The following BEND7 variants were observed in gnomAD, a reference collection of about 807,000 sequenced individuals.
BEND7 encodes BEN domain containing 7.
A neutral mutation model predicts 50.9 loss-of-function variants in BEND7; 28 were observed. The ratio of observed to expected loss-of-function variants is 0.55; its 90% CI spans 0.41 to 0.75. The LOEUF is 0.75. Among genes scored for constraint, BEND7 ranks in the 30% least tolerant of loss-of-function variants. BEND7 has a pLI of 0.00. For synonymous variants in BEND7, 170 were observed against 183.9 expected (o/e 0.92, Z 0.61); for missense variants, 477 against 491.3 (o/e 0.97, Z 0.28).
intron 2 of BEND7, among the ~76,000 whole-genome samples, chr10:13,501,416 T>C (rs1040549603): frequency 2.0e-5 from 3 of 150,274 alleles, no homozygotes; most frequent in Non-Finnish European, 4.4e-5. Flanking sequence ...ATATTTTCTA[T>C]CAATAATAAT....
intron 2 of BEND7, among the ~76,000 whole-genome samples, chr10:13,522,632 T>C (rs982970038): frequency 6.6e-6 from 1 of 152,200 alleles, no homozygotes; most frequent in Non-Finnish European, 1.5e-5. Context: ...GGAGGAGAAA[T>C]ACAGGAGCGA....
intron 6 of BEND7, among the ~76,000 whole-genome samples, chr10:13,470,100 G>C (rs1219839377): frequency 1.3e-5 from 2 of 152,146 alleles, no homozygotes; most frequent in Non-Finnish European, 1.5e-5. Context: ...GGAGGATGTG[G>C]CATTACCTTA....
intron 2 of BEND7, chr10:13,500,749 T>A (rs1471903880): frequency 1.0e-6 from 1 of 985,306 alleles, no homozygotes; most frequent in East Asian, 1.1e-4. Flanking sequence ...GGGGGTTTTG[T>A]CTTTCTGGCA....
intron 2 of BEND7, among the ~76,000 whole-genome samples, chr10:13,513,455 A>G (rs1281399321): frequency 2.0e-5 from 3 of 152,192 alleles, no homozygotes; most frequent in African/African-American, 7.2e-5. Flanking sequence ...TAAAAATGTT[A>G]TTTTATCACG....
intron 2 of BEND7, among the ~76,000 whole-genome samples, chr10:13,511,885 CCT>C (rs1412148049): frequency 1.3e-5 from 2 of 152,172 alleles, no homozygotes; most frequent in African/African-American, 2.4e-5. Context: ...GTGCTACACT[CCT>C]CTACTAAGCT....
chr10:13,463,698 ACAAAAAGG>A (rs902092859), intron 6 of BEND7, among the ~76,000 whole-genome samples: 6 of 152,232 alleles, frequency 3.9e-5, no homozygotes, highest in Admixed American at 3.3e-4. Context: ...TAAAATGGGC[ACAAAAAGG>A]CAAAAAGCAT....
intron 6 of BEND7, among the ~76,000 whole-genome samples, chr10:13,477,729 C>T (rs2075561809): frequency 1.3e-5 from 2 of 152,202 alleles, no homozygotes; most frequent in Admixed American, 6.5e-5. Flanking sequence ...GTTTTAATGT[C>T]AGTCATTCCA....
chr10:13,440,387 G>A (rs960879202), downstream of BEND7, among the ~76,000 whole-genome samples: 5 of 152,232 alleles, frequency 3.3e-5, no homozygotes, highest in African/African-American at 1.2e-4. Context: ...CTCACGGGCT[G>A]GAGCCCACAT....
At chr10:13,514,908 G>A (rs1328376649) in intron 2 of BEND7, among the ~76,000 whole-genome samples, 1 of 152,136 alleles carries the variant, frequency 6.6e-6, no homozygotes, top group South Asian at 2.1e-4. Context: ...TTCCTATGTA[G>A]GTGTAAAGTC....
chr10:13,476,456 C>A (rs1564312968), intron 6 of BEND7, among the ~76,000 whole-genome samples: 1 of 152,192 alleles, frequency 6.6e-6, no homozygotes, highest in Non-Finnish European at 1.5e-5. Context: ...GTAATTTCCA[C>A]TGAATGCAAG....
At chr10:13,480,592 G>A in intron 6 of BEND7, 1 of 691,072 alleles carries the variant, frequency 1.4e-6, no homozygotes, top group Non-Finnish European at 1.7e-6. Flanking sequence ...TTCTGAGGAA[G>A]CTCTTAGAAA....
chr10:13,487,388 C>CTTTT (rs930230162), intron 5 of BEND7, among the ~76,000 whole-genome samples: 1 of 122,840 alleles, frequency 8.1e-6, no homozygotes, highest in Non-Finnish European at 1.6e-5. Flanking sequence ...CTTTTCTTTT[C>CTTTT]TTTTTTTTTT....
chr10:13,483,283 A>C (rs534588146), intron 5 of BEND7, among the ~76,000 whole-genome samples: 23 of 152,136 alleles, frequency 1.5e-4, no homozygotes, highest in Non-Finnish European at 2.5e-4. Context: ...AAAAACACTG[A>C]CCTGAATGAG....
chr10:13,503,032 T>C (rs1588985786), intron 2 of BEND7: 1 of 640,798 alleles, frequency 1.6e-6, no homozygotes, highest in South Asian at 7.0e-5. Flanking sequence ...TGGAACCTTC[T>C]GAGGGCAAAT....
At chr10:13,498,122 C>A (rs1276112915) in intron 3 of BEND7, among the ~76,000 whole-genome samples, 1 of 137,146 alleles carries the variant, frequency 7.3e-6, no homozygotes, top group Non-Finnish European at 1.5e-5. Context: ...GCTGCACAGG[C>A]TGGAGTGCAC....
At chr10:13,523,842 GA>G (rs2079247711) in intron 2 of BEND7, among the ~76,000 whole-genome samples, 1 of 152,082 alleles carries the variant, frequency 6.6e-6, no homozygotes, top group Non-Finnish European at 1.5e-5. Context: ...CTGACCTAGA[GA>G]TCACAAAATA....
intron 6 of BEND7, among the ~76,000 whole-genome samples, chr10:13,465,409 G>A (rs150764017): frequency 1.2e-3 from 178 of 152,278 alleles, no homozygotes; most frequent in African/African-American, 3.9e-3. Context: ...AGCAGGAGCC[G>A]GCATGCGGGG....
intron 2 of BEND7, among the ~76,000 whole-genome samples, chr10:13,523,053 C>G (rs976764498): frequency 1.3e-5 from 2 of 152,232 alleles, no homozygotes; most frequent in East Asian, 3.8e-4. Context: ...CCAGCTGGAT[C>G]TGAATCCCTG....
In BEND7 at chr10:13,446,741, A is replaced by G. The variant is rs2282362; in HGVS notation, c.1234+525T>C. The G allele has an allele frequency of 8.3e-3, 1,373 of 164,436 alleles. 21 individuals are homozygous for G. The highest frequency in any genetic ancestry group is 0.03 in the South Asian group (167 of 5,632). The allele number at this position is 164,436 out of a possible 1,614,324, so 10.2% of individuals were successfully genotyped here. A position where few individuals can be genotyped will look rare whatever the true frequency, so the allele number is the denominator to read the frequency against. ...GCAGCAAATGCTTCCATGGAAGGGT[A>G]TCTTCAGCTGATCTGGTCCTGGTAT... On this transcript the variant is annotated intron_variant, in intron 8 of 8. Transcript: ENST00000466271.
Sources: gnomAD v4.1 joint callset for allele counts (sites outside exome capture counted in the v4.1 genomes callset) on GRCh38, gnomAD v4.1.1 for gene constraint, MANE v1.5 for transcripts, NCBI Gene and HGNC (gene_info 2026-07-23, HGNC 2026-07-21) for gene names.